Variants in CXCL13 observed in about 807,000 individuals in gnomAD.
CXCL13 encodes C-X-C motif chemokine ligand 13.
Under a neutral mutation model 12.2 loss-of-function variants are expected in CXCL13, and 7 were observed. That is an observed-to-expected ratio of 0.57 (90% CI 0.33 to 1.07). The LOEUF is 1.07. Among genes scored for constraint, CXCL13 ranks in the 50% least tolerant of loss-of-function variants. CXCL13 has a pLI of 0.04. For missense variants in CXCL13, 113 were observed against 127.4 expected (o/e 0.89, Z 0.55); for synonymous variants, 47 against 42.4 (o/e 1.11, Z -0.42).
chr4:77,516,013 G>A (rs1024708698), intron 1 of CXCL13, among the ~76,000 whole-genome samples: 18 of 152,082 alleles, frequency 1.2e-4, no homozygotes, highest in African/African-American at 3.1e-4. Flanking sequence ...AGTTTTTAGC[G>A]TGAAGTGCTG....
chr4:77,562,181 C>A (rs2109813391), intron 1 of CXCL13, among the ~76,000 whole-genome samples: 1 of 147,534 alleles, frequency 6.8e-6, no homozygotes, highest in African/African-American at 2.5e-5. Flanking sequence ...CCCACCCCCC[C>A]ATCACTGCAG....
At chr4:77,543,863 C>A (rs1342102246) in intron 1 of CXCL13, among the ~76,000 whole-genome samples, 3 of 152,070 alleles carry the variant, frequency 2.0e-5, no homozygotes, top group African/African-American at 7.2e-5. Flanking sequence ...TCGTCATTTA[C>A]ATTAGGTATT....
At chr4:77,547,851 GT>G (rs1396749070) in intron 1 of CXCL13, among the ~76,000 whole-genome samples, 1 of 152,176 alleles carries the variant, frequency 6.6e-6, no homozygotes, top group Admixed American at 6.5e-5. Flanking sequence ...AATTTGGTAT[GT>G]TTTTGCAGTG....
intron 1 of CXCL13, among the ~76,000 whole-genome samples, chr4:77,516,190 T>C (rs908442063): frequency 1.9e-4 from 29 of 152,228 alleles, no homozygotes; most frequent in African/African-American, 7.0e-4. Flanking sequence ...CTTTTTGATG[T>C]GCTGCTGGAT....
chr4:77,570,323 AACAG>A (rs1159392899), intron 1 of CXCL13, among the ~76,000 whole-genome samples: 7 of 152,378 alleles, frequency 4.6e-5, no homozygotes, highest in East Asian at 1.9e-4. Flanking sequence ...CAACAGAGTA[AACAG>A]ACAGCCTACA....
chr4:77,545,634 A>T (rs906984304), intron 1 of CXCL13, among the ~76,000 whole-genome samples: 1 of 152,206 alleles, frequency 6.6e-6, no homozygotes, highest in Non-Finnish European at 1.5e-5. Flanking sequence ...TTATCAGCTT[A>T]AGGAGATTTT....
chr4:77,578,878 T>C (rs1237839415), intron 1 of CXCL13, among the ~76,000 whole-genome samples: 2 of 152,244 alleles, frequency 1.3e-5, no homozygotes, highest in Admixed American at 6.5e-5. Flanking sequence ...ATAAAGCTGA[T>C]GGTTTCCAAC....
In CXCL13 at chr4:77,583,228, G is replaced by A. The variant is rs548495588; in HGVS notation, c.-42-22596G>A. Among the ~76,000 whole-genome samples, 4 of 152,206 alleles carry A rather than the reference G, an allele frequency of 2.6e-5. No homozygotes were observed. The East Asian group carries it at 7.7e-4, about 29-fold the overall frequency. ...CTTAGGGCTTATTTTTTGTCCATCT[G>A]GACCACTTGAATAAATTTAGGCCCA... On this transcript the variant is annotated intron_variant, in intron 1 of 4. Coordinates refer to the CXCL13 transcript ENST00000286758.
intron 1 of CXCL13, among the ~76,000 whole-genome samples, chr4:77,552,820 G>C (rs1725566538): frequency 2.0e-5 from 3 of 152,216 alleles, no homozygotes; most frequent in Admixed American, 6.5e-5. Context: ...ATCTGCCTGG[G>C]GGTAAAACAG....
chr4:77,569,693 A>G (rs1726020467), intron 1 of CXCL13, among the ~76,000 whole-genome samples: 1 of 152,228 alleles, frequency 6.6e-6, no homozygotes, highest in African/African-American at 2.4e-5. Context: ...TAAAATGGTC[A>G]TACTGCCCAA....
chr4:77,580,572 C>T (rs1236394804), intron 1 of CXCL13, among the ~76,000 whole-genome samples: 1 of 151,798 alleles, frequency 6.6e-6, no homozygotes, highest in Non-Finnish European at 1.5e-5. Context: ...TGATCCGCCT[C>T]CATCAGCCCC....
chr4:77,552,385 G>A (rs539628145), intron 1 of CXCL13, among the ~76,000 whole-genome samples: 4 of 152,266 alleles, frequency 2.6e-5, no homozygotes, highest in South Asian at 4.1e-4. Flanking sequence ...ATTTCTGTCA[G>A]CAGGTTTTAT....
intron 1 of CXCL13, among the ~76,000 whole-genome samples, chr4:77,530,384 C>CT (rs1724880068): frequency 6.6e-6 from 1 of 152,094 alleles, no homozygotes; most frequent in African/African-American, 2.4e-5. Flanking sequence ...TGGTAGAACT[C>CT]GGCTGTGAAT....
chr4:77,573,320 A>G (rs1415037697), intron 1 of CXCL13, among the ~76,000 whole-genome samples: 3 of 151,020 alleles, frequency 2.0e-5, no homozygotes, highest in East Asian at 3.9e-4. Context: ...TTGTGTTACT[A>G]TCTCAAGACT....
intron 1 of CXCL13, among the ~76,000 whole-genome samples, chr4:77,570,274 A>C (rs1023035631): frequency 6.6e-6 from 1 of 152,254 alleles, no homozygotes; most frequent in Non-Finnish European, 1.5e-5. Flanking sequence ...AGTGGGATCT[A>C]ACTAAACTAA....
intron 1 of CXCL13, among the ~76,000 whole-genome samples, chr4:77,584,912 A>G (rs114453476): frequency 0.013 from 1,908 of 152,208 alleles, 44 homozygotes; most frequent in African/African-American, 0.043. Context: ...AATTACCCCA[A>G]CCCTAAGGCC....
intron 1 of CXCL13, among the ~76,000 whole-genome samples, chr4:77,562,051 G>A (rs1725827324): frequency 6.6e-6 from 1 of 152,284 alleles, no homozygotes; most frequent in African/African-American, 2.4e-5. Flanking sequence ...CCCCAGCAGT[G>A]CTGGCCCACC....
intron 1 of CXCL13, among the ~76,000 whole-genome samples, chr4:77,515,492 G>T (rs535318626): frequency 6.6e-6 from 1 of 152,266 alleles, no homozygotes; most frequent in African/African-American, 2.4e-5. Context: ...TTGAGCAGTG[G>T]TTTGTAGTTC....
chr4:77,513,501 G>C (rs1724324356), intron 1 of CXCL13, among the ~76,000 whole-genome samples: 1 of 151,534 alleles, frequency 6.6e-6, no homozygotes, highest in East Asian at 1.9e-4. Context: ...GCCCAGGCTG[G>C]AGTGCAGTGG....
Sources: gnomAD v4.1 joint callset for allele counts (sites outside exome capture counted in the v4.1 genomes callset) on GRCh38, gnomAD v4.1.1 for gene constraint, MANE v1.5 for transcripts, NCBI Gene and HGNC (gene_info 2026-07-23, HGNC 2026-07-21) for gene names.